Variants in NGLY1 observed in about 807,000 individuals in gnomAD.
The protein encoded by NGLY1 is peptide-N(4)-(N-acetyl-beta-glucosaminyl)asparagine amidase.
Under a neutral mutation model 84.6 loss-of-function variants are expected in NGLY1, and 68 were observed. That is an observed-to-expected ratio of 0.80 (90% CI 0.66 to 0.98). The LOEUF (loss-of-function observed/expected upper bound fraction) is 0.98, where lower values mean the gene tolerates loss of function less well. NGLY1 is among the 50% of genes least tolerant of loss of function. The probability of loss-of-function intolerance (pLI) is 0.00; values close to 1 mark genes in which losing one functional copy is unlikely to be tolerated. For missense variants in NGLY1, 779 were observed against 770.2 expected (o/e 1.01, Z -0.14); for synonymous variants, 280 against 275.2 (o/e 1.02, Z -0.17).
At chr3:25,767,468 G>A (rs1707643162) in intron 2 of NGLY1, among the ~76,000 whole-genome samples, 1 of 152,014 alleles carries the variant, frequency 6.6e-6, no homozygotes, top group African/African-American at 2.4e-5. Flanking sequence ...CAAATTTCCC[G>A]TACTCATCTT....
intron 3 of NGLY1, among the ~76,000 whole-genome samples, chr3:25,757,201 T>G (rs1275273575): frequency 6.6e-6 from 1 of 152,122 alleles, no homozygotes; most frequent in African/African-American, 2.4e-5. Flanking sequence ...GAAAAACAGG[T>G]AAAATGTATA....
At chr3:25,722,501 T>C (rs1256979180) in intron 10 of NGLY1, among the ~76,000 whole-genome samples, 2 of 152,168 alleles carry the variant, frequency 1.3e-5, no homozygotes, top group Non-Finnish European at 2.9e-5. Flanking sequence ...CTATAGCTAT[T>C]TTTCTTCCAG....
intron 2 of NGLY1, among the ~76,000 whole-genome samples, chr3:25,771,221 ATAAGG>A (rs922231327): frequency 9.2e-5 from 14 of 152,186 alleles, no homozygotes; most frequent in South Asian, 4.1e-4. Context: ...TGATTTTTGT[ATAAGG>A]TAAGAGATGA....
intron 3 of NGLY1, among the ~76,000 whole-genome samples, chr3:25,753,227 T>A (rs976145048): frequency 6.6e-6 from 1 of 152,156 alleles, no homozygotes; most frequent in African/African-American, 2.4e-5. Context: ...ATGTCAGATA[T>A]TTCATTGGAA....
At chr3:25,781,269 T>A (rs949548614) in intron 1 of NGLY1, among the ~76,000 whole-genome samples, 2 of 152,138 alleles carry the variant, frequency 1.3e-5, no homozygotes, top group Non-Finnish European at 2.9e-5. Context: ...TATTTTTATA[T>A]CATCTCTGGA....
At chr3:25,786,388 A>G (rs1483647331), upstream of NGLY1, among the ~76,000 whole-genome samples, 1 of 151,990 alleles carries the variant, frequency 6.6e-6, no homozygotes, top group Admixed American at 6.5e-5. Flanking sequence ...TAAAGGTGAA[A>G]TCCTGGGGAA....
chr3:25,775,435 A>C (rs975957345), intron 2 of NGLY1, among the ~76,000 whole-genome samples: 2 of 152,256 alleles, frequency 1.3e-5, no homozygotes, highest in Non-Finnish European at 2.9e-5. Flanking sequence ...GTATCTATAC[A>C]CAACGGAATA....
intron 4 of NGLY1, among the ~76,000 whole-genome samples, chr3:25,750,807 A>G (rs1457678654): frequency 3.3e-5 from 5 of 152,200 alleles, no homozygotes; most frequent in Non-Finnish European, 5.9e-5. Context: ...AGGCACTACA[A>G]CTGTCCCTCA....
intron 2 of NGLY1, among the ~76,000 whole-genome samples, chr3:25,777,395 CAAA>C (rs11332980): frequency 3.4e-5 from 3 of 87,434 alleles, no homozygotes; most frequent in African/African-American, 4.4e-5. Flanking sequence ...AACTCCATCT[CAAA>C]AAAAAAAAAA....
chr3:25,736,049 T>C lies in NGLY1; in HGVS notation c.1104A>G (p.Gly368=). Residue 368 remains glycine (G), a synonymous_variant, in exon 7 of 12, where the codon GGA becomes GGG. Coordinates refer to ENST00000280700, the MANE Select transcript of NGLY1 (RefSeq NM_018297.4). ...TGACATAGGAAAGCTTCTTGCCCCA[T>C]CCTATTTCATAAAGGAGTGGCTTGT... The part of the protein sequence containing the change: ...VCDKPLLYEI[G]WGKKLSYVIA... 6.2e-7 allele frequency: 1 copy of C among 1,614,034 alleles called. No homozygotes were observed. The highest frequency in any genetic ancestry group is 8.5e-7 in the Non-Finnish European group (1 of 1,179,914).
At chr3:25,755,617 C>A in intron 3 of NGLY1, 1 of 1,497,614 alleles carries the variant, frequency 6.7e-7, no homozygotes. Context: ...TAGAACACAG[C>A]CAATGAAGCA....
At chr3:25,749,003 A>G (rs1335717954) in intron 4 of NGLY1, among the ~76,000 whole-genome samples, 1 of 152,210 alleles carries the variant, frequency 6.6e-6, no homozygotes, top group Admixed American at 6.5e-5. Flanking sequence ...AAAATGCTCA[A>G]TATCATGAAT....
At chr3:25,752,721 G>A (rs1028062072) in intron 3 of NGLY1, among the ~76,000 whole-genome samples, 11 of 151,880 alleles carry the variant, frequency 7.2e-5, no homozygotes, top group Non-Finnish European at 1.6e-4. Flanking sequence ...GGCTAAGGTG[G>A]GTAGATCGTT....
rs765145201 is a variant in NGLY1, at chr3:25,720,032, G to C, written c.1771C>G (p.Gln591Glu). Residue 591 changes from glutamine to glutamate, a missense_variant, in exon 11 of 12, where the codon CAA (glutamine) becomes GAA (glutamate). Transcript: ENST00000280700. The part of the protein sequence containing the change: ...VEWKLRSDTA[Q>E]VELTGDNSLH... ...TGCTTACCGCCTGTCAGTTCTACTT[G>C]TGCTGTATCAGATCGCAATTTCCAT... 8 of 1,612,738 alleles carry C rather than the reference G, an allele frequency of 5.0e-6. No individual in the cohort carries two copies. The Admixed American group carries it at 1.3e-4, about 27-fold the overall frequency.
At chr3:25,751,727 A>C (rs1706760611) in intron 3 of NGLY1, among the ~76,000 whole-genome samples, 1 of 152,226 alleles carries the variant, frequency 6.6e-6, no homozygotes, top group South Asian at 2.1e-4. Flanking sequence ...GAAAAGTAAA[A>C]AAAGTTTCCA....
chr3:25,755,618 C>A, intron 3 of NGLY1: 1 of 1,498,286 alleles, frequency 6.7e-7, no homozygotes. Flanking sequence ...AGAACACAGC[C>A]AATGAAGCAA....
At chr3:25,737,801 C>T (rs1006486413) in intron 5 of NGLY1, among the ~76,000 whole-genome samples, 2 of 152,126 alleles carry the variant, frequency 1.3e-5, no homozygotes, top group African/African-American at 2.4e-5. Context: ...GCCTCAGCCT[C>T]CCAAAGTGCT....
intron 3 of NGLY1, among the ~76,000 whole-genome samples, chr3:25,756,738 G>C (rs1295579492): frequency 6.6e-6 from 1 of 152,132 alleles, no homozygotes; most frequent in South Asian, 2.1e-4. Context: ...AGTTGCTGAG[G>C]ATATCACATA....
At chr3:25,738,001 TGTGATCAAACAATACAACAGGTCAGATTA>T (rs1228923945) in intron 5 of NGLY1, among the ~76,000 whole-genome samples, 1 of 152,338 alleles carries the variant, frequency 6.6e-6, no homozygotes, top group South Asian at 2.1e-4. Context: ...TATGGCAGAA[TGTGATCAAACAATACAACAGGTCAGATTA>T]GTGATCAAAC....
Sources: allele counts gnomAD v4.1 joint callset (sites outside exome capture counted in the v4.1 genomes callset), GRCh38; gene constraint gnomAD v4.1.1; transcripts MANE v1.5; gene names NCBI Gene and HGNC (gene_info 2026-07-23, HGNC 2026-07-21).